Variants in FAXC observed in about 807,000 individuals in gnomAD.
FAXC encodes the protein failed axon connections homolog, metaxin like GST domain containing, also known as failed axon connections homolog.
Under a neutral mutation model 41.9 loss-of-function variants are expected in FAXC, and 10 were observed. That is an observed-to-expected ratio of 0.24 (90% CI 0.15 to 0.41). The LOEUF (loss-of-function observed/expected upper bound fraction) is 0.41. Ranked by LOEUF, FAXC falls within the 10% of genes least tolerant of loss-of-function variation. FAXC has a pLI of 1.00. For missense variants in FAXC, 399 were observed against 510.9 expected (o/e 0.78, Z 2.11); for synonymous variants, 183 against 183.8 (o/e 1.00, Z 0.03).
rs762705739 is a variant in FAXC, at chr6:99,333,494, A to G, written c.456T>C (p.Tyr152=). ...SAQGKMPWIE[Y]NHEKVSGTEF... The stretch of plus-strand genomic sequence containing the variant: ...CTGTGCCAGAAACTTTTTCATGATT[A>G]TATTCAATCCAAGGCATTTTCCCTT... Residue 152 remains tyrosine, a synonymous_variant, in exon 3 of 6, where the codon TAT becomes TAC. Coordinates refer to ENST00000389677, the MANE Select transcript of FAXC (RefSeq NM_032511.4). The G allele has an allele frequency of 1.9e-6, 3 of 1,614,112 alleles. No homozygotes were observed. The highest frequency in any genetic ancestry group is 1.7e-5 in the Admixed American group (1 of 59,998).
At position 99,349,088 on chromosome 6, in the gene FAXC, G is replaced by T; in HGVS notation, c.266+19C>A. The T allele has an allele frequency of 6.2e-7, 1 of 1,611,776 alleles. No individual in the cohort carries two copies. The highest frequency in any genetic ancestry group is 8.5e-7 in the Non-Finnish European group (1 of 1,179,198). On this transcript the variant is annotated intron_variant, in intron 1 of 5. Transcript: ENST00000389677. Reference sequence around the variant, plus strand: ...TGCCCCTCTCTGCGCCCCTGTGCGGGGCCCTCTCTCCGGCTCACCTAATGA... The same window carrying T: ...TGCCCCTCTCTGCGCCCCTGTGCGGTGCCCTCTCTCCGGCTCACCTAATGA...
rs147784436 is a variant in FAXC at position 99,332,757 on chromosome 6, C to A, written c.599+594G>T. Among the ~76,000 whole-genome samples the A allele has an allele frequency of 3.6e-3, 544 of 152,262 alleles. 6 individuals carry two copies. Among genetic ancestry groups the A allele is most frequent in the African/African-American group, 0.012 (509 of 41,546 alleles). ...GGACAATTGACCCTAGGAATTCTAT[C>A]TTGACTTAGTCTTCCATTCCCTCCT... On this transcript the variant is annotated intron_variant, in intron 3 of 5. Coordinates refer to ENST00000389677, the MANE Select transcript of FAXC (RefSeq NM_032511.4).
rs1397135210 is a variant in FAXC, at chr6:99,276,091, A to G, written c.*5073T>C. 1 of 152,102 alleles carries G rather than the reference A, an allele frequency of 6.6e-6. No individual in the cohort carries two copies. The highest frequency in any genetic ancestry group is 1.5e-5 in the Non-Finnish European group (1 of 68,010). The allele number at this position is 152,102 out of a possible 1,614,324, so 9.4% of individuals were successfully genotyped here. Reference sequence around the variant, plus strand: ...TTGACTTAAATAGCACTGCATATAAAGGAGAACAAAGGATCCTGGGTCATA... The same window carrying G: ...TTGACTTAAATAGCACTGCATATAAGGGAGAACAAAGGATCCTGGGTCATA... On this transcript the variant is annotated 3_prime_UTR_variant, in exon 6 of 6. Coordinates refer to ENST00000389677, the MANE Select transcript of FAXC (RefSeq NM_032511.4).
intron 4 of FAXC, among the ~76,000 whole-genome samples, chr6:99,293,024 C>G (rs1203257053): frequency 6.6e-6 from 1 of 152,186 alleles, no homozygotes; most frequent in Non-Finnish European, 1.5e-5. Context: ...CCATGCTGAT[C>G]TTGAACTCCT....
rs1404768605 is a variant in FAXC at position 99,275,926 on chromosome 6, C to T, written c.*5238G>A. 3 of 152,114 alleles carry T rather than the reference C, an allele frequency of 2.0e-5. No individual in the cohort carries two copies. Among genetic ancestry groups the T allele is most frequent in the African/African-American group, 7.2e-5 (3 of 41,410 alleles). 9.4% of individuals were successfully genotyped at this position (152,114 alleles called of 1,614,324 possible). On this transcript the variant is annotated 3_prime_UTR_variant, in exon 6 of 6. Transcript: ENST00000389677. ...TGAACTTCCCAAGTTATATCCAGACCACTGGAAGCAACTGAATAAAGGTCA... is the reference window on the plus strand; with the variant it reads ...TGAACTTCCCAAGTTATATCCAGACTACTGGAAGCAACTGAATAAAGGTCA...
chr6:99,343,046 A>C lies in FAXC; in HGVS notation c.267-13T>G. On this transcript the variant is annotated splice_polypyrimidine_tract_variant and intron_variant, in intron 1 of 5. Transcript: ENST00000389677. ...CTCTTGCTGTTTCCTGTCAAAACCA[A>C]AACAGAAATAAAGTACAATCCACAT... 6.3e-7 allele frequency: 1 copy of C among 1,591,416 alleles called. No homozygotes were observed. Among genetic ancestry groups the C allele is most frequent in the Non-Finnish European group, 8.5e-7 (1 of 1,172,622 alleles).
intron 1 of FAXC, among the ~76,000 whole-genome samples, chr6:99,346,659 C>G (rs1773607911): frequency 6.6e-6 from 1 of 152,122 alleles, no homozygotes; most frequent in African/African-American, 2.4e-5. Context: ...GTCAGCCTCC[C>G]AAAGTGCTGG....
At chr6:99,294,427 A>C (rs920598629) in intron 4 of FAXC, among the ~76,000 whole-genome samples, 1 of 152,194 alleles carries the variant, frequency 6.6e-6, no homozygotes, top group Admixed American at 6.5e-5. Flanking sequence ...AGGTGGCCAA[A>C]CAGTCCTCCC....
intron 1 of FAXC, among the ~76,000 whole-genome samples, chr6:99,347,667 T>C (rs1397427153): frequency 2.0e-5 from 3 of 152,198 alleles, no homozygotes; most frequent in Admixed American, 6.5e-5. Context: ...CTCCCTCCAC[T>C]GCTGAGAAGC....
chr6:99,314,800 A>G (rs1416097537), intron 4 of FAXC, among the ~76,000 whole-genome samples: 1 of 152,158 alleles, frequency 6.6e-6, no homozygotes, highest in African/African-American at 2.4e-5. Context: ...GAAAGCACCC[A>G]GCTGCTGTTC....
At chr6:99,327,389 G>C (rs1772853637) in intron 3 of FAXC, among the ~76,000 whole-genome samples, 1 of 152,116 alleles carries the variant, frequency 6.6e-6, no homozygotes, top group Non-Finnish European at 1.5e-5. Context: ...CATGGTTGGA[G>C]CCTCTACCCC....
chr6:99,321,481 G>A (rs1562173643), intron 4 of FAXC, among the ~76,000 whole-genome samples: 1 of 152,166 alleles, frequency 6.6e-6, no homozygotes, highest in African/African-American at 2.4e-5. Context: ...TTCAGCCAAA[G>A]AGCCTCTCCC....
At chr6:99,315,366 C>T (rs1015802654) in intron 4 of FAXC, among the ~76,000 whole-genome samples, 4 of 151,164 alleles carry the variant, frequency 2.6e-5, no homozygotes, top group African/African-American at 9.7e-5. Flanking sequence ...CTGCACTTTG[C>T]ACTTTACAGT....
chr6:99,346,628 T>C (rs940689508), intron 1 of FAXC, among the ~76,000 whole-genome samples: 4 of 151,796 alleles, frequency 2.6e-5, no homozygotes, highest in Admixed American at 2.0e-4. Flanking sequence ...TCTCGATCTC[T>C]TGACCTCGTG....
At chr6:99,299,456 T>C (rs1243431874) in intron 4 of FAXC, among the ~76,000 whole-genome samples, 1 of 152,226 alleles carries the variant, frequency 6.6e-6, no homozygotes, top group East Asian at 1.9e-4. Flanking sequence ...TACAATTGTG[T>C]GTTTTACATA....
chr6:99,330,886 G>A (rs562607671), intron 3 of FAXC, among the ~76,000 whole-genome samples: 1 of 152,322 alleles, frequency 6.6e-6, no homozygotes, highest in South Asian at 2.1e-4. Flanking sequence ...GAAGAGCAGA[G>A]GATGGGAGGT....
At chr6:99,311,053 A>T (rs1297328264) in intron 4 of FAXC, among the ~76,000 whole-genome samples, 1 of 152,252 alleles carries the variant, frequency 6.6e-6, no homozygotes, top group African/African-American at 2.4e-5. Flanking sequence ...TTTTAAAAGA[A>T]GTGGAAGATT....
intron 5 of FAXC, among the ~76,000 whole-genome samples, 172 bp from the exon 6 acceptor site, chr6:99,281,625 G>A (rs1229501552): frequency 2.0e-5 from 3 of 152,120 alleles, no homozygotes; most frequent in Admixed American, 6.5e-5. Context: ...GCCCTCATTC[G>A]TGGTACTAGT....
chr6:99,298,284 T>C (rs530414603), intron 4 of FAXC, among the ~76,000 whole-genome samples: 50 of 151,450 alleles, frequency 3.3e-4, no homozygotes, highest in African/African-American at 1.2e-3. Flanking sequence ...TTCCCCAGGA[T>C]GGTTTTGAAC....
Sources: allele counts gnomAD v4.1 joint callset (sites outside exome capture counted in the v4.1 genomes callset), GRCh38; gene constraint gnomAD v4.1.1; transcripts MANE v1.5; gene names NCBI Gene and HGNC (gene_info 2026-07-23, HGNC 2026-07-21).